The following RAD51C variants were observed in gnomAD, a reference collection of about 807,000 sequenced individuals.
RAD51C encodes the protein DNA repair protein RAD51 homolog 3.
RAD51C carries 42 observed loss-of-function variants against 45.0 expected under a neutral mutation model. The observed-to-expected ratio is 0.93, with a 90% CI of 0.73 to 1.21. The LOEUF (loss-of-function observed/expected upper bound fraction) is 1.21. Ranked by LOEUF, RAD51C falls within the 50% of genes most tolerant of loss-of-function variation. The probability of loss-of-function intolerance (pLI) is 0.00; values close to 1 mark genes in which losing one functional copy is unlikely to be tolerated. For synonymous variants in RAD51C, 172 were observed against 159.8 expected (o/e 1.08, Z -0.58); for missense variants, 474 against 452.2 (o/e 1.05, Z -0.44).
chr17:58,710,475 G>A (rs1407364081), intron 5 of RAD51C, among the ~76,000 whole-genome samples: 1 of 149,114 alleles, frequency 6.7e-6, no homozygotes, highest in East Asian at 2.0e-4. Context: ...TCCAGCCTGG[G>A]CAGCAGCAAG....
At chr17:58,726,337 C>T (rs2049122569) in intron 7 of RAD51C, among the ~76,000 whole-genome samples, 1 of 149,876 alleles carries the variant, frequency 6.7e-6, no homozygotes, top group African/African-American at 2.5e-5. Flanking sequence ...TATTTCTTAA[C>T]TGTCCTTTAT....
At chr17:58,719,125 GAGGCAGGAGA>G (rs1327304573) in intron 5 of RAD51C, among the ~76,000 whole-genome samples, 1 of 152,194 alleles carries the variant, frequency 6.6e-6, no homozygotes, top group East Asian at 1.9e-4. Context: ...TTGGGAGGCT[GAGGCAGGAGA>G]ATAGCTTGAA....
chr17:58,726,285 G>T (rs887850497), intron 7 of RAD51C, among the ~76,000 whole-genome samples: 3 of 150,846 alleles, frequency 2.0e-5, no homozygotes, highest in East Asian at 1.9e-4. Flanking sequence ...GCCCAGAAAG[G>T]TTAACTGAAT....
intron 3 of RAD51C, among the ~76,000 whole-genome samples, chr17:58,697,676 T>G (rs2048067520): frequency 6.6e-6 from 1 of 152,138 alleles, no homozygotes; most frequent in South Asian, 2.1e-4. Flanking sequence ...GAGGTGTTGT[T>G]TTGGTGCTTG....
chr17:58,711,589 T>A (rs1567801184), intron 5 of RAD51C, among the ~76,000 whole-genome samples: 1 of 151,968 alleles, frequency 6.6e-6, no homozygotes, highest in Non-Finnish European at 1.5e-5. Context: ...GCCTCCCTAG[T>A]AGCTGAGACT....
chr17:58,701,145 C>T (rs1344517393), intron 3 of RAD51C, among the ~76,000 whole-genome samples: 8 of 151,980 alleles, frequency 5.3e-5, no homozygotes, highest in African/African-American at 1.4e-4. Flanking sequence ...AAGAGATCTG[C>T]GTGCCTTGGC....
At chr17:58,696,894 T>C in intron 3 of RAD51C, 35 bp downstream of exon 3, 1 of 1,606,228 alleles carries the variant, frequency 6.2e-7, no homozygotes. Flanking sequence ...TTTTCTGTAT[T>C]AATAAAAGTA....
chr17:58,698,247 A>G lies in RAD51C; in HGVS notation c.571+1388A>G, dbSNP rs549484487. Among the ~76,000 whole-genome samples, 6 of 146,408 alleles carry G rather than the reference A, an allele frequency of 4.1e-5. No homozygotes were observed. The South Asian group carries it at 8.7e-4, about 21-fold the overall frequency. Reference sequence around the variant, plus strand: ...GCCCAGGCTAGAGTGTAATGGCACAATCTCGGCTCACTGCAAGCTCTGCCT... The same window carrying G: ...GCCCAGGCTAGAGTGTAATGGCACAGTCTCGGCTCACTGCAAGCTCTGCCT... On this transcript the variant is annotated intron_variant, in intron 3 of 8. Coordinates refer to ENST00000337432, the MANE Select transcript of RAD51C (RefSeq NM_058216.3).
At chr17:58,709,788 G>C (rs2143848408) in intron 4 of RAD51C, 71 bp from the exon 5 acceptor site, 1 of 1,411,042 alleles carries the variant, frequency 7.1e-7, no homozygotes, top group Non-Finnish European at 9.9e-7. Context: ...CTCTCTTGGA[G>C]AGAGAGAGCA....
chr17:58,729,464 C>CTCGG (rs1410578159), intron 7 of RAD51C, among the ~76,000 whole-genome samples: 1 of 152,126 alleles, frequency 6.6e-6, no homozygotes, highest in African/African-American at 2.4e-5. Context: ...GGTGATCCAC[C>CTCGG]TCGGCCTCCC....
At chr17:58,732,455 G>T in intron 7 of RAD51C, 29 bp from the exon 8 acceptor site, 1 of 1,588,174 alleles carries the variant, frequency 6.3e-7, no homozygotes, top group Non-Finnish European at 8.6e-7. Flanking sequence ...TCATGTGTTT[G>T]TATGTATTTA....
At chr17:58,714,643 A>C (rs2048669975) in intron 5 of RAD51C, among the ~76,000 whole-genome samples, 1 of 151,772 alleles carries the variant, frequency 6.6e-6, no homozygotes, top group Non-Finnish European at 1.5e-5. Flanking sequence ...TATTTTTAGT[A>C]GAGATGGGTT....
At chr17:58,703,103 G>A (rs2143794789) in intron 3 of RAD51C, 93 bp from the exon 4 acceptor site, 1 of 1,393,156 alleles carries the variant, frequency 7.2e-7, no homozygotes, top group East Asian at 2.3e-5. Flanking sequence ...GTTATCCAAA[G>A]GAGAACATTT....
In RAD51C at chr17:58,734,074, A is replaced by G. The variant is rs777288069; in HGVS notation, c.1027-44A>G. Reference sequence around the variant, plus strand: ...AAAATATTTCTAAGATCAGTCTTCAAATGTTCTTAAAGCATATTTGTATAT... The same window carrying G: ...AAAATATTTCTAAGATCAGTCTTCAGATGTTCTTAAAGCATATTTGTATAT... On this transcript the variant is annotated intron_variant, in intron 8 of 8. Coordinates refer to ENST00000337432, the MANE Select transcript of RAD51C (RefSeq NM_058216.3). 9 of 1,575,908 alleles carry G rather than the reference A, an allele frequency of 5.7e-6. No individual in the cohort carries two copies. In the African/African-American group the frequency reaches 8.2e-5, roughly 14 times the overall value.
intron 3 of RAD51C, 44 bp from the exon 4 acceptor site, chr17:58,703,152 C>T (rs1390463326): frequency 6.3e-7 from 1 of 1,593,206 alleles, no homozygotes; most frequent in Admixed American, 1.7e-5. Flanking sequence ...ATTGCCAATA[C>T]ATCCAAACAG....
chr17:58,715,335 T>A (rs1032295343), intron 5 of RAD51C, among the ~76,000 whole-genome samples: 3 of 149,578 alleles, frequency 2.0e-5, no homozygotes, highest in Non-Finnish European at 4.4e-5. Flanking sequence ...GTGCCTGTAA[T>A]CCCAGCTACT....
intron 7 of RAD51C, among the ~76,000 whole-genome samples, chr17:58,731,846 A>G (rs1177484240): frequency 1.3e-5 from 2 of 152,026 alleles, no homozygotes; most frequent in African/African-American, 2.4e-5. Flanking sequence ...TTGCCCTCCT[A>G]AAGAGCTGGG....
rs1000058826 is a variant in RAD51C, at chr17:58,732,407, T to C, written c.966-77T>C. 4.1e-6 allele frequency: 5 copies of C among 1,206,904 alleles called. No homozygotes were observed. In the African/African-American group the frequency reaches 4.5e-5, roughly 11 times the overall value. 74.8% of individuals were successfully genotyped at this position (1,206,904 alleles called of 1,614,324 possible). A position where few individuals can be genotyped will look rare whatever the true frequency, so the allele number is the denominator to read the frequency against. ...AATATAATAAACCTATACATTTAAATAATGAGTTTGGTCATCTGAACTTTT... is the reference window on the plus strand; with the variant it reads ...AATATAATAAACCTATACATTTAAACAATGAGTTTGGTCATCTGAACTTTT... On this transcript the variant is annotated intron_variant, in intron 7 of 8. Transcript: ENST00000337432.
At chr17:58,725,153 C>T (rs1678115210) in intron 7 of RAD51C, among the ~76,000 whole-genome samples, 1 of 152,122 alleles carries the variant, frequency 6.6e-6, no homozygotes, top group African/African-American at 2.4e-5. Context: ...TTACTATTGA[C>T]TGTCGCCCCC....
Sources: gnomAD v4.1 joint callset for allele counts (sites outside exome capture counted in the v4.1 genomes callset) on GRCh38, gnomAD v4.1.1 for gene constraint, MANE v1.5 for transcripts, NCBI Gene and HGNC (gene_info 2026-07-23, HGNC 2026-07-21) for gene names.